The following PCDHGB4 variants were observed in gnomAD, a reference collection of about 807,000 sequenced individuals.
PCDHGB4 encodes the protein protocadherin gamma-B4.
In PCDHGB4, 38 loss-of-function variants were observed where a neutral mutation model predicts 60.5. The observed-to-expected ratio is 0.63, with a 90% confidence interval of 0.48 to 0.82. The LOEUF (loss-of-function observed/expected upper bound fraction) is 0.82. PCDHGB4 is among the 40% of genes least tolerant of loss of function. PCDHGB4 has a pLI of 0.00. For missense variants in PCDHGB4, 1,109 were observed against 1,209.6 expected (o/e 0.92, Z 1.23); for synonymous variants, 456 against 509.7 (o/e 0.89, Z 1.42).
In PCDHGB4 at chr5:141,477,088, C is replaced by G. The variant is rs1008530221; in HGVS notation, c.2398-17719C>G. On this transcript the variant is annotated intron_variant, in intron 1 of 3. Transcript: ENST00000519479. This position sits in a 1 kb window ranked among gnomAD's most constrained non-coding sequence, Gnocchi z 4.9. ...AACTCCATGAGATTTACATCCAGGC[C>G]AAAGACAAGGGCGCCAATCCCGAAG... The G allele has an allele frequency of 1.2e-6, 2 of 1,614,112 alleles. No individual in the cohort carries two copies. The highest frequency in any genetic ancestry group is 1.6e-4 in the Middle Eastern group (1 of 6,084).
intron 1 of PCDHGB4, chr5:141,422,178 G>A (rs1561799748): frequency 1.9e-6 from 3 of 1,563,306 alleles, no homozygotes; most frequent in Non-Finnish European, 1.7e-6. Flanking sequence ...GATTCTATGA[G>A]ATGGAAATTC....
intron 1 of PCDHGB4, among the ~76,000 whole-genome samples, chr5:141,479,798 G>C (rs892288776): frequency 6.6e-6 from 1 of 152,234 alleles, no homozygotes; most frequent in East Asian, 1.9e-4. Context: ...ATTAATTCAG[G>C]GTGGTATGCA....
chr5:141,461,347 G>C (rs2154567331), intron 1 of PCDHGB4, among the ~76,000 whole-genome samples: 1 of 152,242 alleles, frequency 6.6e-6, no homozygotes, highest in Admixed American at 6.5e-5. Flanking sequence ...GGACCAAGGT[G>C]GTAGCTCGTT....
chr5:141,452,749 G>A (rs1453824335), intron 1 of PCDHGB4, among the ~76,000 whole-genome samples: 1 of 152,052 alleles, frequency 6.6e-6, no homozygotes, highest in African/African-American at 2.4e-5. Flanking sequence ...AGAGAAGGAA[G>A]AAGGAAGGGA....
intron 1 of PCDHGB4, among the ~76,000 whole-genome samples, chr5:141,483,875 AT>A (rs2154580008): frequency 6.6e-6 from 1 of 151,964 alleles, no homozygotes; most frequent in Admixed American, 6.6e-5. Context: ...ATCAGGATGG[AT>A]TTTTCTATTT....
chr5:141,426,173 G>A (rs2096919271), intron 1 of PCDHGB4: 1 of 155,348 alleles, frequency 6.4e-6, no homozygotes, highest in African/African-American at 2.4e-5. Flanking sequence ...TACGGATTGG[G>A]GTGCCCTCAA....
At chr5:141,394,463 G>C (rs1244366845) in intron 1 of PCDHGB4, 1 of 1,614,130 alleles carries the variant, frequency 6.2e-7, no homozygotes, top group Non-Finnish European at 8.5e-7. Flanking sequence ...CACTGAGCCT[G>C]TTCGTGCTGG....
At chr5:141,394,175 T>A in intron 1 of PCDHGB4, 1 of 1,613,944 alleles carries the variant, frequency 6.2e-7, no homozygotes, top group South Asian at 1.1e-5. Flanking sequence ...CTTTCCCTCA[T>A]GCCTCCTACT....
rs759737266 is a variant in PCDHGB4 at position 141,489,464 on chromosome 5, T to A, written c.2398-5343T>A. 5 of 1,614,030 alleles carry A rather than the reference T, an allele frequency of 3.1e-6. No homozygotes were observed. In the South Asian group the frequency reaches 3.3e-5, roughly 11 times the overall value. On this transcript the variant is annotated intron_variant, in intron 1 of 3. Transcript: ENST00000519479. The surrounding 1 kb of genome is among the most constrained non-coding windows in gnomAD (Gnocchi z 4.5). ...GGCTCTGAGGAGAATGGGCGCTATT[T>A]TTCCCTGAGCTTGATGAGTGGTGCC...
At chr5:141,415,974 C>T (rs2095976813) in intron 1 of PCDHGB4, 1 of 375,644 alleles carries the variant, frequency 2.7e-6, no homozygotes, top group African/African-American at 2.1e-5. Flanking sequence ...GCCCCTTAAG[C>T]AACCCTCTTG....
chr5:141,422,996 C>T (rs1473025630), intron 1 of PCDHGB4: 1 of 1,614,224 alleles, frequency 6.2e-7, no homozygotes, highest in South Asian at 1.1e-5. Context: ...TACCTGGTGA[C>T]CAAGGTGGTT....
chr5:141,423,895 G>T, intron 1 of PCDHGB4: 1 of 1,277,758 alleles, frequency 7.8e-7, no homozygotes, highest in Non-Finnish European at 9.9e-7. Flanking sequence ...ATTTTCTTTT[G>T]ATTTCAAAGG....
Position 141,491,925 on chromosome 5 carries a change from G to C in PCDHGB4, c.2398-2882G>C. On this transcript the variant is annotated intron_variant, in intron 1 of 3. Coordinates refer to ENST00000519479, the MANE Select transcript of PCDHGB4 (RefSeq NM_003736.4). This position sits in a 1 kb window ranked among gnomAD's most constrained non-coding sequence, Gnocchi z 6.9. ...GGGTGGTGGCGACTGTGGGCGAGGG[G>C]AGGTGGGACCGACCCCCACCCCTAC... 1 of 1,325,176 alleles carries C rather than the reference G, an allele frequency of 7.5e-7. No individual in the cohort carries two copies. Among genetic ancestry groups the C allele is most frequent in the Non-Finnish European group, 1.0e-6 (1 of 987,300 alleles). The allele number at this position is 1,325,176 out of a possible 1,614,324, so 82.1% of individuals were successfully genotyped here.
rs765535731 is a variant in PCDHGB4, at chr5:141,427,976, G to T, written c.2397+37695G>T. On this transcript the variant is annotated intron_variant, in intron 1 of 3. Transcript: ENST00000519479. ...ATGTGCCGCGGGTGCTGTACCCCGC[G>T]CTGGGGCCCGATGGCTCCGCACTCT... 1.1e-5 allele frequency: 17 copies of T among 1,594,884 alleles called. No individual in the cohort carries two copies. The East Asian group carries it at 1.6e-4, about 15-fold the overall frequency.
chr5:141,409,961 C>G (rs538942740), intron 1 of PCDHGB4: 26 of 1,613,442 alleles, frequency 1.6e-5, no homozygotes, highest in Admixed American at 8.3e-5. Context: ...GCCCGGCTAC[C>G]TAGTGACTAA....
rs532725430 is a variant in PCDHGB4, at chr5:141,429,107, G to A, written c.2397+38826G>A. On this transcript the variant is annotated intron_variant, in intron 1 of 3. Transcript: ENST00000519479. ...CTGACCTCGTGATCTGCCCGCCTCG[G>A]CCTCCCAAAGTGCTGGGATTATAGG... The A allele has an allele frequency of 3.8e-3, 579 of 152,026 alleles. 5 individuals are homozygous for A. Among genetic ancestry groups the A allele is most frequent in the Admixed American group, 0.011 (166 of 15,232 alleles). The allele number at this position is 152,026 out of a possible 1,614,324, so 9.4% of individuals were successfully genotyped here. A position where few individuals can be genotyped will look rare whatever the true frequency, so the allele number is the denominator to read the frequency against.
chr5:141,482,530 C>CA (rs3074545), intron 1 of PCDHGB4, among the ~76,000 whole-genome samples: 3,839 of 76,186 alleles, frequency 0.05, 137 homozygotes, highest in East Asian at 0.1. Context: ...GACAGACATG[C>CA]AAAAAAAAAA....
rs1394484191 is a variant in PCDHGB4 at position 141,486,006 on chromosome 5, C to T, written c.2398-8801C>T. The T allele has an allele frequency of 6.2e-7, 1 of 1,614,190 alleles. No individual in the cohort carries two copies. Among genetic ancestry groups the T allele is most frequent in the Non-Finnish European group, 8.5e-7 (1 of 1,180,026 alleles). Reference sequence around the variant, plus strand: ...GACCTGGGTCCCAGTGGTAACGTCACCTTTTATTTCAGTGGTCATACCCCT... The same window carrying T: ...GACCTGGGTCCCAGTGGTAACGTCATCTTTTATTTCAGTGGTCATACCCCT... On this transcript the variant is annotated intron_variant, in intron 1 of 3. Coordinates refer to ENST00000519479, the MANE Select transcript of PCDHGB4 (RefSeq NM_003736.4). This position sits in a 1 kb window ranked among gnomAD's most constrained non-coding sequence, Gnocchi z 5.0.
In PCDHGB4 at chr5:141,493,356, C is replaced by G. The variant is rs1303319550; in HGVS notation, c.2398-1451C>G. On this transcript the variant is annotated intron_variant, in intron 1 of 3. Transcript: ENST00000519479. The surrounding 1 kb of genome is among the most constrained non-coding windows in gnomAD (Gnocchi z 4.3). ...ACTCCAGAATGTGTGCTTTTAATTT[C>G]TTGGCACTTGGAACTTTAAAAGCTT... Among the ~76,000 whole-genome samples the G allele has an allele frequency of 6.6e-6, 1 of 152,182 alleles. No individual in the cohort carries two copies. The highest frequency in any genetic ancestry group is 1.5e-5 in the Non-Finnish European group (1 of 68,032).
Sources: allele counts gnomAD v4.1 joint callset (sites outside exome capture counted in the v4.1 genomes callset), GRCh38; gene constraint gnomAD v4.1.1; non-coding constraint Gnocchi (gnomAD v3.1); transcripts MANE v1.5; gene names NCBI Gene and HGNC (gene_info 2026-07-23, HGNC 2026-07-21).